Variants in PRELID2 observed in about 807,000 individuals in gnomAD.
PRELID2 encodes PRELI domain containing 2, also known as PRELI domain-containing protein 2.
PRELID2 carries 25 observed loss-of-function variants against 28.4 expected under a neutral mutation model. The observed-to-expected ratio is 0.88, with a 90% CI of 0.64 to 1.23. The LOEUF is 1.23. PRELID2 is among the 50% of genes most tolerant of loss of function. The probability of loss-of-function intolerance (pLI) is 0.00; values close to 1 mark genes in which losing one functional copy is unlikely to be tolerated. For missense variants in PRELID2, 201 were observed against 214.4 expected (o/e 0.94, Z 0.39); for synonymous variants, 76 against 71.6 (o/e 1.06, Z -0.31).
At chr5:145,711,533 T>C (rs1755695337) in intron 1 of PRELID2, among the ~76,000 whole-genome samples, 1 of 152,188 alleles carries the variant, frequency 6.6e-6, no homozygotes, top group Admixed American at 6.5e-5. Flanking sequence ...GCCACAAATC[T>C]GCAGCCACCT....
At chr5:145,419,607 T>C in the PRELID2 span, among the ~76,000 whole-genome samples, 1 of 149,668 alleles carries the variant, frequency 6.7e-6, no homozygotes, top group East Asian at 2.0e-4. Flanking sequence ...TTTGTTTGAG[T>C]TCATTGTAGA....
the PRELID2 span, among the ~76,000 whole-genome samples, chr5:145,255,882 A>T: frequency 6.6e-6 from 1 of 151,902 alleles, no homozygotes; most frequent in East Asian, 1.9e-4. Flanking sequence ...AAATATACAT[A>T]AAACTGGAGT....
intron 1 of PRELID2, among the ~76,000 whole-genome samples, chr5:145,663,574 C>T (rs1754533936): frequency 6.6e-6 from 1 of 152,148 alleles, no homozygotes; most frequent in African/African-American, 2.4e-5. Flanking sequence ...AGTGAAACAA[C>T]TACTTTTAAA....
At chr5:145,235,741 G>C in the PRELID2 span, among the ~76,000 whole-genome samples, 1 of 152,104 alleles carries the variant, frequency 6.6e-6, no homozygotes, top group Non-Finnish European at 1.5e-5. Context: ...GGATAAGACG[G>C]TAAGCTTTGC....
chr5:145,646,712 G>T (rs1754202194), intron 1 of PRELID2, among the ~76,000 whole-genome samples: 1 of 152,108 alleles, frequency 6.6e-6, no homozygotes, highest in African/African-American at 2.4e-5. Flanking sequence ...CCTTCAGATG[G>T]GGTCTCTGAG....
intron 1 of PRELID2, among the ~76,000 whole-genome samples, chr5:145,503,806 C>T (rs919060654): frequency 7.9e-5 from 12 of 152,088 alleles, no homozygotes; most frequent in Admixed American, 5.2e-4. Flanking sequence ...TAAACTCATT[C>T]GATCATGAAT....
chr5:145,368,321 G>T, the PRELID2 span, among the ~76,000 whole-genome samples: 2 of 151,944 alleles, frequency 1.3e-5, no homozygotes, highest in African/African-American at 4.8e-5. Context: ...TGAAAAAAAG[G>T]GAGGGAGAAT....
chr5:145,746,327 C>T (rs1158070734), intron 1 of PRELID2, among the ~76,000 whole-genome samples: 2 of 151,880 alleles, frequency 1.3e-5, no homozygotes, highest in African/African-American at 2.4e-5. Context: ...GAAAATTTAC[C>T]AAGAAAATGG....
chr5:145,286,472 G>A, the PRELID2 span, among the ~76,000 whole-genome samples: 1 of 152,082 alleles, frequency 6.6e-6, no homozygotes, highest in Non-Finnish European at 1.5e-5. Flanking sequence ...TATAGATAAG[G>A]AGACTGAGGC....
chr5:145,279,771 A>G, the PRELID2 span, among the ~76,000 whole-genome samples: 12 of 152,116 alleles, frequency 7.9e-5, no homozygotes, highest in African/African-American at 2.9e-4. Flanking sequence ...AAAAAATTAG[A>G]AGGACATATT....
chr5:145,247,244 C>T, the PRELID2 span, among the ~76,000 whole-genome samples: 1 of 152,116 alleles, frequency 6.6e-6, no homozygotes, highest in Non-Finnish European at 1.5e-5. Context: ...CCTCAATTCC[C>T]GAGCCCCTAC....
chr5:145,419,791 A>C, the PRELID2 span, among the ~76,000 whole-genome samples: 1 of 151,988 alleles, frequency 6.6e-6, no homozygotes, highest in Non-Finnish European at 1.5e-5. Context: ...TGTTTTAGAC[A>C]TGAAGTCCTT....
chr5:145,561,843 G>T (rs1752928106), intron 1 of PRELID2, among the ~76,000 whole-genome samples: 1 of 152,110 alleles, frequency 6.6e-6, no homozygotes, highest in Non-Finnish European at 1.5e-5. Context: ...CATATAAAAA[G>T]GTATAAGTCA....
At chr5:145,266,467 T>G in the PRELID2 span, among the ~76,000 whole-genome samples, 9 of 151,062 alleles carry the variant, frequency 6.0e-5, no homozygotes, top group African/African-American at 2.2e-4. Context: ...ATCAGGGAAA[T>G]GCAAATCAAA....
chr5:145,308,557 A>G, the PRELID2 span, among the ~76,000 whole-genome samples: 1 of 152,112 alleles, frequency 6.6e-6, no homozygotes, highest in African/African-American at 2.4e-5. Flanking sequence ...CTGCCACCAT[A>G]TAGATCTATC....
At chr5:145,600,434 A>AAATATATATATATATATATAT (rs1315631607) in intron 1 of PRELID2, among the ~76,000 whole-genome samples, 5 of 120,094 alleles carry the variant, frequency 4.2e-5, no homozygotes, top group African/African-American at 1.6e-4. Context: ...AAAAAAAAAA[A>AAATATATATATATATATATAT]ATATATATAT....
chr5:145,430,717 C>A, the PRELID2 span, among the ~76,000 whole-genome samples: 9 of 152,180 alleles, frequency 5.9e-5, no homozygotes, highest in East Asian at 1.7e-3. Flanking sequence ...TCGCCCAGGA[C>A]TCGTTTCATG....
intron 1 of PRELID2, among the ~76,000 whole-genome samples, chr5:145,654,037 A>G (rs1561533297): frequency 6.6e-6 from 1 of 152,182 alleles, no homozygotes; most frequent in Non-Finnish European, 1.5e-5. Flanking sequence ...GAAGAATCAA[A>G]CAGATGCAAT....
intron 1 of PRELID2, among the ~76,000 whole-genome samples, chr5:145,692,384 A>C (rs1333575467): frequency 6.6e-6 from 1 of 152,104 alleles, no homozygotes; most frequent in African/African-American, 2.4e-5. Flanking sequence ...ACACAAACAC[A>C]CACATACCCC....
Sources: allele counts gnomAD v4.1 joint callset (sites outside exome capture counted in the v4.1 genomes callset), GRCh38; gene constraint gnomAD v4.1.1; transcripts MANE v1.5; gene names NCBI Gene and HGNC (gene_info 2026-07-23, HGNC 2026-07-21).